The following DCLK1 variants were observed in gnomAD, a reference collection of about 807,000 sequenced individuals.
DCLK1 encodes doublecortin like kinase 1, also known as serine/threonine-protein kinase DCLK1.
In DCLK1, 16 loss-of-function variants were observed where a neutral mutation model predicts 86.2. The ratio of observed to expected loss-of-function variants is 0.19; its 90% confidence interval spans 0.13 to 0.28. The LOEUF (loss-of-function observed/expected upper bound fraction) is 0.28, where lower values mean the gene tolerates loss of function less well. Ranked by LOEUF, DCLK1 falls within the 10% of genes least tolerant of loss-of-function variation. The pLI is 1.00. For missense variants in DCLK1, 590 were observed against 940.2 expected, an observed-to-expected ratio of 0.63 and a Z score of 4.87; for synonymous variants, 369 against 370.5, an observed-to-expected ratio of 1.00 and a Z score of 0.05.
chr13:35,898,242 G>C (rs1874118024), intron 4 of DCLK1, among the ~76,000 whole-genome samples: 1 of 152,164 alleles, frequency 6.6e-6, no homozygotes, highest in African/African-American at 2.4e-5. Flanking sequence ...TCTTATCCTA[G>C]AAGAGTAAGC....
intron 6 of DCLK1, among the ~76,000 whole-genome samples, chr13:35,842,894 C>A (rs1209356836): frequency 6.6e-6 from 1 of 152,154 alleles, no homozygotes; most frequent in Non-Finnish European, 1.5e-5. Flanking sequence ...TTTGGGTAAT[C>A]CACCAATTCT....
At chr13:36,054,458 C>T (rs1883228346) in intron 3 of DCLK1, among the ~76,000 whole-genome samples, 1 of 152,176 alleles carries the variant, frequency 6.6e-6, no homozygotes, top group South Asian at 2.1e-4. Flanking sequence ...ACCTTCACAA[C>T]ATAGCTGGGC....
At chr13:35,788,968 T>C (rs370798859) in intron 16 of DCLK1, among the ~76,000 whole-genome samples, 5 of 152,360 alleles carry the variant, frequency 3.3e-5, no homozygotes, top group Admixed American at 2.0e-4. Context: ...TAGTTTTCTT[T>C]GTATAATAAA....
intron 4 of DCLK1, among the ~76,000 whole-genome samples, chr13:35,913,045 C>T (rs567481514): frequency 2.6e-5 from 4 of 152,280 alleles, no homozygotes; most frequent in East Asian, 1.9e-4. Context: ...GCACCTCCGT[C>T]GCAAGTCTGA....
At chr13:35,937,070 C>T (rs970963390) in intron 4 of DCLK1, among the ~76,000 whole-genome samples, 3 of 146,470 alleles carry the variant, frequency 2.0e-5, no homozygotes, top group East Asian at 2.1e-4. Context: ...CCCAGGTTCA[C>T]GCCATTCTCC....
rs372440293 is a variant in DCLK1, at chr13:35,799,482, C to T, written c.1945-6003G>A. Among the ~76,000 whole-genome samples the T allele has an allele frequency of 3.4e-4, 51 of 152,210 alleles. No individual in the cohort carries two copies. In the South Asian group the frequency reaches 0.011, roughly 32 times the overall value. ...GCCAGGCTGGTCTTGAACTCCCGAC[C>T]TCAGGTTATCTGCCCGCCTCGGCCT... On this transcript the variant is annotated intron_variant, in intron 15 of 16. Transcript: ENST00000360631.
At chr13:35,872,454 A>C (rs1043258895) in intron 4 of DCLK1, among the ~76,000 whole-genome samples, 1 of 152,166 alleles carries the variant, frequency 6.6e-6, no homozygotes, top group Non-Finnish European at 1.5e-5. Context: ...ACCATAATTT[A>C]CTTAACCGAA....
At chr13:35,919,076 A>G (rs1207059553) in intron 4 of DCLK1, among the ~76,000 whole-genome samples, 1 of 151,506 alleles carries the variant, frequency 6.6e-6, no homozygotes, top group African/African-American at 2.4e-5. Flanking sequence ...TAACTTTTGT[A>G]CTTTTAGTAG....
At chr13:35,929,775 T>C (rs1316250385) in intron 4 of DCLK1, among the ~76,000 whole-genome samples, 2 of 152,150 alleles carry the variant, frequency 1.3e-5, no homozygotes, top group Non-Finnish European at 1.5e-5. Context: ...ATATCTGTTT[T>C]AGGTCTTCAG....
intron 4 of DCLK1, among the ~76,000 whole-genome samples, chr13:35,938,217 A>G (rs1876873876): frequency 6.6e-6 from 1 of 152,182 alleles, no homozygotes; most frequent in Non-Finnish European, 1.5e-5. Flanking sequence ...GGGAAGGGGT[A>G]GGAGGGAAGC....
At chr13:36,109,374 T>C (rs929998141) in intron 3 of DCLK1, among the ~76,000 whole-genome samples, 1 of 152,224 alleles carries the variant, frequency 6.6e-6, no homozygotes, top group East Asian at 1.9e-4. Flanking sequence ...TTACATCAGT[T>C]TGGTGCCTTA....
chr13:35,910,143 C>T (rs1012014055), intron 4 of DCLK1, among the ~76,000 whole-genome samples: 1 of 152,162 alleles, frequency 6.6e-6, no homozygotes, highest in Non-Finnish European at 1.5e-5. Context: ...AAACAGGACC[C>T]AGGATCACTA....
chr13:35,877,791 C>T (rs2153115887), intron 4 of DCLK1, among the ~76,000 whole-genome samples: 1 of 152,216 alleles, frequency 6.6e-6, no homozygotes, highest in South Asian at 2.1e-4. Flanking sequence ...AGGTACAAAG[C>T]CTGTAAATGG....
chr13:35,937,591 C>T (rs1327356946), intron 4 of DCLK1, among the ~76,000 whole-genome samples: 2 of 152,130 alleles, frequency 1.3e-5, no homozygotes, highest in Non-Finnish European at 2.9e-5. Flanking sequence ...CAATTTTTAT[C>T]TAGAAGAGTC....
intron 3 of DCLK1, among the ~76,000 whole-genome samples, chr13:35,992,378 C>T (rs1880274703): frequency 6.6e-6 from 1 of 151,650 alleles, no homozygotes; most frequent in African/African-American, 2.4e-5. Flanking sequence ...TACAATGCAA[C>T]ATGTTGACAG....
At chr13:35,839,556 T>C (rs1171088239) in intron 6 of DCLK1, among the ~76,000 whole-genome samples, 2 of 152,174 alleles carry the variant, frequency 1.3e-5, no homozygotes, top group East Asian at 1.9e-4. Context: ...ACTGATCCCA[T>C]CCACTATTTT....
intron 1 of DCLK1, among the ~76,000 whole-genome samples, chr13:36,127,801 G>T (rs141248144): frequency 0.012 from 1,777 of 152,304 alleles, 15 homozygotes; most frequent in Non-Finnish European, 0.018. Context: ...TGGAGGACCA[G>T]TTCATCCTTG....
chr13:35,799,941 T>G (rs997842121), intron 15 of DCLK1, among the ~76,000 whole-genome samples: 1 of 152,172 alleles, frequency 6.6e-6, no homozygotes, highest in African/African-American at 2.4e-5. Context: ...ACTAGATGGG[T>G]AATAGGGTAA....
At chr13:35,830,281 C>T (rs1302235376) in intron 8 of DCLK1, among the ~76,000 whole-genome samples, 3 of 152,056 alleles carry the variant, frequency 2.0e-5, no homozygotes, top group Non-Finnish European at 4.4e-5. Context: ...ATCCCAGCTA[C>T]TTGGGAGGCT....
Sources: allele counts gnomAD v4.1 joint callset (sites outside exome capture counted in the v4.1 genomes callset), GRCh38; gene constraint gnomAD v4.1.1; transcripts MANE v1.5; gene names NCBI Gene and HGNC (gene_info 2026-07-23, HGNC 2026-07-21).